MGAT5: variants seen among roughly 807,000 people sequenced by gnomAD.
MGAT5 encodes the protein alpha-1,6-mannosylglycoprotein 6-beta-N-acetylglucosaminyltransferase A.
In MGAT5, 30 loss-of-function variants were observed where a neutral mutation model predicts 94.3. The ratio of observed to expected loss-of-function variants is 0.32; its 90% CI spans 0.24 to 0.43. MGAT5 has a LOEUF of 0.43. Among genes scored for constraint, MGAT5 ranks in the 20% least tolerant of loss-of-function variants. The pLI, the probability that MGAT5 is intolerant of heterozygous loss-of-function variation, is 1.00. For synonymous variants in MGAT5, 310 were observed against 322.9 expected (o/e 0.96, Z 0.43); for missense variants, 691 against 905.5 (o/e 0.76, Z 3.04).
intron 1 of MGAT5, among the ~76,000 whole-genome samples, chr2:134,183,117 G>C (rs1020618798): frequency 2.6e-5 from 4 of 152,098 alleles, no homozygotes; most frequent in Non-Finnish European, 4.4e-5. Context: ...CCAATTTCTT[G>C]GTTTTGATTC....
intron 2 of MGAT5, among the ~76,000 whole-genome samples, chr2:134,276,475 T>C (rs1684384245): frequency 6.6e-6 from 1 of 152,160 alleles, no homozygotes; most frequent in South Asian, 2.1e-4. Flanking sequence ...TATATAATTA[T>C]CAAGATATGA....
chr2:134,229,763 A>G (rs1442191735), intron 1 of MGAT5, among the ~76,000 whole-genome samples: 1 of 152,208 alleles, frequency 6.6e-6, no homozygotes, highest in African/African-American at 2.4e-5. Flanking sequence ...ATATTTGCAA[A>G]TAATATCTGG....
rs1319229527 is a variant in MGAT5, at chr2:134,338,429, C to T, written c.807+9C>T. 6.3e-7 allele frequency: 1 copy of T among 1,590,866 alleles called. No homozygotes were observed. The stretch of plus-strand genomic sequence containing the variant: ...AGAGAAAGCGGAAGAAAGTGAGTTT[C>T]TTATTAATTCAGTGCAGTTAGATGC... On this transcript the variant is annotated intron_variant, in intron 6 of 15. Transcript: ENST00000281923.
intron 1 of MGAT5, among the ~76,000 whole-genome samples, chr2:134,129,870 G>A (rs775203569): frequency 6.6e-6 from 1 of 152,178 alleles, no homozygotes; most frequent in Admixed American, 6.5e-5. Context: ...GCCCGCCGCT[G>A]CACTGTGGGA....
chr2:134,126,017 C>T (rs1023912311), intron 1 of MGAT5, among the ~76,000 whole-genome samples: 17 of 152,226 alleles, frequency 1.1e-4, no homozygotes, highest in Admixed American at 6.5e-4. Context: ...CATTCCTTAA[C>T]ATTTCTGATA....
intron 2 of MGAT5, among the ~76,000 whole-genome samples, chr2:134,276,207 G>A (rs968104375): frequency 2.4e-5 from 3 of 127,100 alleles, no homozygotes; most frequent in Admixed American, 2.1e-4. Context: ...CTTTGCCACT[G>A]GTCTTGGAGG....
intron 1 of MGAT5, among the ~76,000 whole-genome samples, chr2:134,189,607 T>G (rs6740190): frequency 0.015 from 1,213 of 80,588 alleles, 49 homozygotes; most frequent in Middle Eastern, 0.053. Flanking sequence ...TTTTTGTTTT[T>G]TTTTTTTTTT....
chr2:134,434,385 AT>A (rs1374219256), intron 14 of MGAT5, among the ~76,000 whole-genome samples: 5 of 152,210 alleles, frequency 3.3e-5, no homozygotes, highest in Admixed American at 3.3e-4. Context: ...AAATTTCAGG[AT>A]AGTCAAGCAC....
At chr2:134,275,937 C>A (rs1366051902) in intron 2 of MGAT5, among the ~76,000 whole-genome samples, 1 of 152,042 alleles carries the variant, frequency 6.6e-6, no homozygotes, top group African/African-American at 2.4e-5. Context: ...AAGCATCCTA[C>A]AATATATAAG....
intron 1 of MGAT5, among the ~76,000 whole-genome samples, chr2:134,149,131 A>G (rs1040009693): frequency 2.6e-5 from 4 of 152,132 alleles, no homozygotes; most frequent in African/African-American, 9.7e-5. Context: ...CTTGGAGACC[A>G]TGGATCCTAT....
intron 2 of MGAT5, among the ~76,000 whole-genome samples, chr2:134,292,718 G>A (rs1015203088): frequency 1.3e-5 from 2 of 152,116 alleles, no homozygotes; most frequent in Admixed American, 1.3e-4. Flanking sequence ...CTTCATCTGT[G>A]TTCTATGCCA....
At chr2:134,134,497 G>A (rs946602809) in intron 1 of MGAT5, among the ~76,000 whole-genome samples, 1 of 152,158 alleles carries the variant, frequency 6.6e-6, no homozygotes, top group African/African-American at 2.4e-5. Flanking sequence ...CCTGTCCCAA[G>A]GGCAGAACTC....
intron 10 of MGAT5, among the ~76,000 whole-genome samples, chr2:134,387,802 C>G (rs1240115376): frequency 6.6e-6 from 1 of 152,164 alleles, no homozygotes; most frequent in Non-Finnish European, 1.5e-5. Context: ...TTTATAGCCA[C>G]AGATGGTTGA....
chr2:134,133,320 C>A (rs1409359131), intron 1 of MGAT5, among the ~76,000 whole-genome samples: 1 of 152,194 alleles, frequency 6.6e-6, no homozygotes, highest in East Asian at 1.9e-4. Context: ...TTCTCCAATA[C>A]CTTCATTTTT....
At chr2:134,426,700 G>A (rs772688002) in intron 13 of MGAT5, among the ~76,000 whole-genome samples, 1 of 150,182 alleles carries the variant, frequency 6.7e-6, no homozygotes, top group Non-Finnish European at 1.5e-5. Flanking sequence ...CATGGGTTGA[G>A]TAAACATCCT....
chr2:134,424,482 G>C (rs1408715725), intron 13 of MGAT5, among the ~76,000 whole-genome samples: 5 of 152,166 alleles, frequency 3.3e-5, no homozygotes, highest in Admixed American at 1.3e-4. Context: ...AGGAGACCGA[G>C]CTGATAAAAG....
Position 134,275,745 on chromosome 2 carries a change from G to A in MGAT5, c.406+5195G>A, listed in dbSNP as rs1339236877. 5.3e-5 allele frequency among the ~76,000 whole-genome samples: 8 copies of A among 151,730 alleles called. No homozygotes were observed. The South Asian group carries it at 6.2e-4, about 12-fold the overall frequency. ...CTACAGGCAATGTGCCATCATGCCC[G>A]GCAAATTCTTTTTTCTTATTTTTTG... is the stretch of plus-strand genomic sequence containing the variant. On this transcript the variant is annotated intron_variant, in intron 2 of 15. Transcript: ENST00000281923.
chr2:134,255,469 A>G (rs1057200467), intron 1 of MGAT5, among the ~76,000 whole-genome samples: 64 of 146,972 alleles, frequency 4.4e-4, no homozygotes, highest in African/African-American at 1.5e-3. Context: ...ATATATATAC[A>G]TATATATACA....
rs558799478 is a variant in MGAT5 at position 134,134,639 on chromosome 2, G to A, written c.-143+14348G>A. On this transcript the variant is annotated intron_variant, in intron 1 of 16. Coordinates refer to the MGAT5 transcript ENST00000409645. ...GGGTGGGCAGGGCGTGGTACCTGGA[G>A]AGAGGACTCTGGTCTAGTCCCAGGC... is the stretch of plus-strand genomic sequence containing the variant. Among the ~76,000 whole-genome samples, 4 of 152,338 alleles carry A rather than the reference G, an allele frequency of 2.6e-5. 1 individual carries two copies. The South Asian group carries it at 8.3e-4, about 32-fold the overall frequency.
Sources: gnomAD v4.1 joint callset for allele counts (sites outside exome capture counted in the v4.1 genomes callset) on GRCh38, gnomAD v4.1.1 for gene constraint, MANE v1.5 for transcripts, NCBI Gene and HGNC (gene_info 2026-07-23, HGNC 2026-07-21) for gene names.